Variants in COMMD10 observed in about 807,000 individuals in gnomAD.
COMMD10 encodes COMM domain-containing protein 10.
A neutral mutation model predicts 28.9 loss-of-function variants in COMMD10; 33 were observed. The ratio of observed to expected loss-of-function variants is 1.14; its 90% CI spans 0.87 to 1.53. The LOEUF is 1.53. Among genes scored for constraint, COMMD10 ranks in the 40% most tolerant of loss-of-function variants. The pLI, the probability that COMMD10 is intolerant of heterozygous loss-of-function variation, is 0.00. For missense variants in COMMD10, 310 were observed against 233.4 expected (o/e 1.33, Z -2.14); for synonymous variants, 110 against 81.7 (o/e 1.35, Z -1.87).
chr5:116,259,366 T>C (rs561340635), intron 5 of COMMD10, among the ~76,000 whole-genome samples: 1 of 151,856 alleles, frequency 6.6e-6, no homozygotes, highest in East Asian at 1.9e-4. Context: ...TTTGTAGCAG[T>C]CTTTTCCATA....
intron 4 of COMMD10, among the ~76,000 whole-genome samples, chr5:116,104,725 T>C (rs1441279079): frequency 2.0e-5 from 3 of 152,072 alleles, no homozygotes; most frequent in Non-Finnish European, 4.4e-5. Context: ...GTTCATGCCA[T>C]TCTCCTGCCT....
intron 5 of COMMD10, among the ~76,000 whole-genome samples, chr5:116,171,795 A>T (rs746312043): frequency 1.3e-5 from 2 of 150,308 alleles, no homozygotes; most frequent in African/African-American, 5.0e-5. Context: ...ACATGGACAC[A>T]GGGAGGGGAA....
intron 5 of COMMD10, among the ~76,000 whole-genome samples, chr5:116,167,139 T>C (rs978374473): frequency 2.0e-5 from 3 of 151,600 alleles, no homozygotes; most frequent in African/African-American, 7.3e-5. Context: ...AAATAACCAG[T>C]TTAGAGAAGA....
At chr5:116,260,179 A>C (rs778225068) in intron 5 of COMMD10, among the ~76,000 whole-genome samples, 17 of 151,852 alleles carry the variant, frequency 1.1e-4, no homozygotes, top group Non-Finnish European at 2.1e-4. Flanking sequence ...AATTAAGAGA[A>C]CTAAGAGATG....
At chr5:116,088,341 A>T (rs542046211) in intron 2 of COMMD10, among the ~76,000 whole-genome samples, 26 of 152,310 alleles carry the variant, frequency 1.7e-4, no homozygotes, top group African/African-American at 6.3e-4. Context: ...TCAAATCTTT[A>T]GTACCTCTTT....
At chr5:116,260,635 T>C (rs558861559) in intron 5 of COMMD10, among the ~76,000 whole-genome samples, 2 of 151,996 alleles carry the variant, frequency 1.3e-5, no homozygotes, top group South Asian at 2.1e-4. Context: ...TTAGGTGTTA[T>C]AGTAATGGTC....
intron 5 of COMMD10, among the ~76,000 whole-genome samples, chr5:116,273,237 A>G (rs1274228051): frequency 6.6e-6 from 1 of 151,850 alleles, no homozygotes; most frequent in Non-Finnish European, 1.5e-5. Flanking sequence ...TTTGAAATCC[A>G]TGCATAGTTT....
In COMMD10 at chr5:116,222,981, C is replaced by T. The variant is rs115468705; in HGVS notation, c.511-68536C>T. 5.3e-3 allele frequency among the ~76,000 whole-genome samples: 808 copies of T among 152,242 alleles called. 6 individuals are homozygous for T. Among genetic ancestry groups the T allele is most frequent in the African/African-American group, 0.016 (678 of 41,540 alleles). On this transcript the variant is annotated intron_variant, in intron 5 of 6. Transcript: ENST00000274458. The stretch of plus-strand genomic sequence containing the variant: ...CTGGGATTACAAGTGTGAGCCACTG[C>T]GCTCAGCCGCCCTTTTTAATACTAT...
At chr5:116,170,601 G>A (rs1337728582) in intron 5 of COMMD10, among the ~76,000 whole-genome samples, 1 of 152,158 alleles carries the variant, frequency 6.6e-6, no homozygotes, top group Non-Finnish European at 1.5e-5. Flanking sequence ...CAAGGCTACA[G>A]TAACCAAAAC....
chr5:116,215,918 T>C (rs1235310106), intron 5 of COMMD10, among the ~76,000 whole-genome samples: 1 of 151,718 alleles, frequency 6.6e-6, no homozygotes, highest in Non-Finnish European at 1.5e-5. Context: ...ATATACTGAA[T>C]ACCTAGAAGG....
intron 5 of COMMD10, among the ~76,000 whole-genome samples, chr5:116,151,570 C>A (rs1387947997): frequency 2.0e-5 from 3 of 152,120 alleles, no homozygotes; most frequent in African/African-American, 7.2e-5. Flanking sequence ...TCAACTTCTT[C>A]CTGGTTTAAT....
chr5:116,099,338 C>G (rs925141865), intron 4 of COMMD10, among the ~76,000 whole-genome samples: 1 of 151,174 alleles, frequency 6.6e-6, no homozygotes, highest in Admixed American at 6.6e-5. Context: ...CATTCATTAT[C>G]TGTTCATTTG....
intron 4 of COMMD10, among the ~76,000 whole-genome samples, chr5:116,113,564 C>T (rs1486028685): frequency 1.3e-5 from 2 of 151,764 alleles, no homozygotes; most frequent in Admixed American, 6.6e-5. Flanking sequence ...ATCTTTTCTT[C>T]TGCTTGGCCT....
chr5:116,234,542 A>T (rs1392978862), intron 5 of COMMD10, among the ~76,000 whole-genome samples: 1 of 152,186 alleles, frequency 6.6e-6, no homozygotes, highest in Admixed American at 6.5e-5. Context: ...AAACAGGTAA[A>T]TCATGAATGA....
chr5:116,263,568 C>T (rs1750505868), intron 5 of COMMD10, among the ~76,000 whole-genome samples: 1 of 151,596 alleles, frequency 6.6e-6, no homozygotes, highest in African/African-American at 2.4e-5. Context: ...CGATAAGAAA[C>T]ATTTTACAGC....
rs1218081063 is a variant in COMMD10 at position 116,252,581 on chromosome 5, C to G, written c.511-38936C>G. On this transcript the variant is annotated intron_variant, in intron 5 of 6. Coordinates refer to ENST00000274458, the MANE Select transcript of COMMD10 (RefSeq NM_016144.4). ...AATCCTTTCCCCATTGCTTGTTTTT[C>G]TCAGGTTTGTCAAAGATCAGATAGT... Among the ~76,000 whole-genome samples, 229 of 117,164 alleles carry G rather than the reference C, an allele frequency of 2.0e-3. 1 individual carries two copies. The highest frequency in any genetic ancestry group is 1.0e-3 in the Non-Finnish European group (58 of 56,526). The allele number at this position is 117,164 out of a possible 152,430, so 76.9% of individuals were successfully genotyped here. A position where few individuals can be genotyped will look rare whatever the true frequency, so the allele number is the denominator to read the frequency against.
At chr5:116,171,641 T>G (rs899755066) in intron 5 of COMMD10, among the ~76,000 whole-genome samples, 9 of 152,166 alleles carry the variant, frequency 5.9e-5, no homozygotes, top group African/African-American at 1.9e-4. Context: ...TGGAATACTA[T>G]TCAGCCATAA....
chr5:116,166,048 T>G (rs536277712), intron 5 of COMMD10, among the ~76,000 whole-genome samples: 62 of 152,276 alleles, frequency 4.1e-4, no homozygotes, highest in African/African-American at 1.4e-3. Context: ...AACTATCCTG[T>G]ATTGCTTGTG....
intron 4 of COMMD10, among the ~76,000 whole-genome samples, chr5:116,106,069 T>C (rs940424654): frequency 2.6e-5 from 4 of 151,896 alleles, no homozygotes; most frequent in Non-Finnish European, 4.4e-5. Flanking sequence ...CGATTTTAGA[T>C]CTTTCCTGTT....
Sources: gnomAD v4.1 joint callset for allele counts (sites outside exome capture counted in the v4.1 genomes callset) on GRCh38, gnomAD v4.1.1 for gene constraint, MANE v1.5 for transcripts, NCBI Gene and HGNC (gene_info 2026-07-23, HGNC 2026-07-21) for gene names.